The following COX5A variants were observed in gnomAD, a reference collection of about 807,000 sequenced individuals.
The protein encoded by COX5A is cytochrome c oxidase subunit 5A, also known as cytochrome c oxidase subunit 5A, mitochondrial.
A neutral mutation model predicts 16.1 loss-of-function variants in COX5A; 6 were observed. The ratio of observed to expected loss-of-function variants is 0.37; its 90% CI spans 0.20 to 0.73. The LOEUF (loss-of-function observed/expected upper bound fraction) is 0.73, where lower values mean the gene tolerates loss of function less well. COX5A is among the 30% of genes least tolerant of loss of function. COX5A has a pLI of 0.50. For synonymous variants in COX5A, 73 were observed against 73.8 expected (o/e 0.99, Z 0.06); for missense variants, 159 against 194.9 (o/e 0.82, Z 1.10).
chr15:74,929,947 C>T (rs930342534), intron 1 of COX5A, among the ~76,000 whole-genome samples: 2 of 151,520 alleles, frequency 1.3e-5, no homozygotes, highest in East Asian at 1.9e-4. Flanking sequence ...GGTGTGGTGG[C>T]GGGCGGCTGT....
intron 1 of COX5A, among the ~76,000 whole-genome samples, chr15:74,932,469 T>A (rs11072516): frequency 0.27 from 40,516 of 151,674 alleles, 7,447 homozygotes; most frequent in Non-Finnish European, 0.42. Flanking sequence ...ATATATATAT[T>A]TTTAAAAACT....
At chr15:74,927,032 C>T in intron 2 of COX5A, 145 bp from the exon 3 acceptor site, 1 of 790,068 alleles carries the variant, frequency 1.3e-6, no homozygotes, top group Non-Finnish European at 1.9e-6. Context: ...AGAAACCTAC[C>T]TTTAACAAAT....
intron 4 of COX5A, among the ~76,000 whole-genome samples, chr15:74,921,876 G>GT (rs1189928585): frequency 6.6e-6 from 1 of 152,138 alleles, no homozygotes; most frequent in Non-Finnish European, 1.5e-5. Context: ...GGTTGTGCTG[G>GT]TGAGGGGGTG....
chr15:74,924,210 G>A (rs2065333555), intron 3 of COX5A, among the ~76,000 whole-genome samples: 1 of 151,484 alleles, frequency 6.6e-6, no homozygotes, highest in African/African-American at 2.4e-5. Flanking sequence ...AACAAAACAG[G>A]TCATCTACTT....
chr15:74,928,290 C>T (rs2065352322), intron 2 of COX5A, among the ~76,000 whole-genome samples: 1 of 152,132 alleles, frequency 6.6e-6, no homozygotes, highest in African/African-American at 2.4e-5. Context: ...TTCTAACTTA[C>T]TTAGATACTT....
chr15:74,926,993 G>T (rs896303274), intron 2 of COX5A, 106 bp from the exon 3 acceptor site: 2 of 1,246,520 alleles, frequency 1.6e-6, no homozygotes, highest in Non-Finnish European at 1.1e-6. Flanking sequence ...TATCTGTCTG[G>T]GTCTCCATTC....
rs117140363 is a variant in COX5A at position 74,933,824 on chromosome 15, T to A, written c.100+4091A>T. ...AGTGCTTCATGATAAGCAATTCGTTTTGTTCACTGCTGGGCATGGATTTGA... is the reference window on the plus strand; with the variant it reads ...AGTGCTTCATGATAAGCAATTCGTTATGTTCACTGCTGGGCATGGATTTGA... On this transcript the variant is annotated intron_variant, in intron 1 of 4. Coordinates refer to ENST00000322347, the MANE Select transcript of COX5A (RefSeq NM_004255.4). Among the ~76,000 whole-genome samples the A allele has an allele frequency of 2.8e-4, 43 of 152,298 alleles. No individual in the cohort carries two copies. The East Asian group carries it at 6.9e-3, about 25-fold the overall frequency.
rs78448552 is a variant in COX5A, at chr15:74,928,743, T to C, written c.217+373A>G. Among the ~76,000 whole-genome samples, 227 of 152,326 alleles carry C rather than the reference T, an allele frequency of 1.5e-3. 1 individual carries two copies. The East Asian group carries it at 0.04, about 27-fold the overall frequency. On this transcript the variant is annotated intron_variant, in intron 2 of 4. Transcript: ENST00000322347. ...CCTTTTGCTCATCTAGCCTTATTGC[T>C]ATAGCAGTGGTTTTCAATTAAGGGT... is the stretch of plus-strand genomic sequence containing the variant.
chr15:74,935,473 C>G (rs1201661276), intron 1 of COX5A, among the ~76,000 whole-genome samples: 1 of 151,386 alleles, frequency 6.6e-6, no homozygotes, highest in East Asian at 1.9e-4. Context: ...GGTGGCGCAC[C>G]CTTGTGGTCC....
At position 74,920,128 on chromosome 15, in the gene COX5A, C is replaced by T. The variant is rs2065313984; in HGVS notation, c.*324G>A. The T allele has an allele frequency of 2.1e-6, 1 of 481,188 alleles. No homozygotes were observed. Among genetic ancestry groups the T allele is most frequent in the African/African-American group, 2.1e-5 (1 of 48,746 alleles). The allele number at this position is 481,188 out of a possible 1,614,324, so 29.8% of individuals were successfully genotyped here. On this transcript the variant is annotated 3_prime_UTR_variant, in exon 5 of 5. Transcript: ENST00000322347. ...TAATTTACAAGCTAGGGCACCCAAA[C>T]ATATTAATGAAGCTGATTTTCATGT...
intron 4 of COX5A, among the ~76,000 whole-genome samples, chr15:74,921,462 G>A (rs2065320519): frequency 6.6e-6 from 1 of 151,226 alleles, no homozygotes; most frequent in Non-Finnish European, 1.5e-5. Context: ...AGACGCGGTG[G>A]CTCACACCTG....
intron 1 of COX5A, among the ~76,000 whole-genome samples, chr15:74,933,423 C>G (rs1428483396): frequency 1.8e-5 from 1 of 55,196 alleles, no homozygotes; most frequent in African/African-American, 1.1e-4. Flanking sequence ...AAAAAAATAT[C>G]TATCTATCTA....
rs186057379 is a variant in COX5A, at chr15:74,920,158, T to C, written c.*294A>G. On this transcript the variant is annotated 3_prime_UTR_variant, in exon 5 of 5. Coordinates refer to ENST00000322347, the MANE Select transcript of COX5A (RefSeq NM_004255.4). ...TAATGAAGCTGATTTTCATGTCAGA[T>C]GGTTTCCAGAGAATTAACACAGTTC... 3.2e-3 allele frequency: 1,596 copies of C among 503,742 alleles called. 11 individuals are homozygous for C. Among genetic ancestry groups the C allele is most frequent in the Non-Finnish European group, 1.8e-3 (513 of 292,388 alleles). The allele number at this position is 503,742 out of a possible 1,614,324, so 31.2% of individuals were successfully genotyped here. A position where few individuals can be genotyped will look rare whatever the true frequency, so the allele number is the denominator to read the frequency against.
At chr15:74,931,773 C>CG (rs1287689345) in intron 1 of COX5A, among the ~76,000 whole-genome samples, 2 of 152,004 alleles carry the variant, frequency 1.3e-5, no homozygotes, top group African/African-American at 4.8e-5. Context: ...AGGCTGGTCT[C>CG]GAACTCCTGA....
chr15:74,920,123 C>A lies in COX5A; in HGVS notation c.*329G>T. 1 of 473,458 alleles carries A rather than the reference C, an allele frequency of 2.1e-6. No individual in the cohort carries two copies. Among genetic ancestry groups the A allele is most frequent in the Non-Finnish European group, 3.6e-6 (1 of 274,024 alleles). 29.3% of individuals were successfully genotyped at this position (473,458 alleles called of 1,614,324 possible). A position where few individuals can be genotyped will look rare whatever the true frequency, so the allele number is the denominator to read the frequency against. Reference sequence around the variant, plus strand: ...TCAGCTAATTTACAAGCTAGGGCACCCAAACATATTAATGAAGCTGATTTT... The same window carrying A: ...TCAGCTAATTTACAAGCTAGGGCACACAAACATATTAATGAAGCTGATTTT... On this transcript the variant is annotated 3_prime_UTR_variant, in exon 5 of 5. Transcript: ENST00000322347.
rs2065346900 is a variant in COX5A, at chr15:74,926,880, G to A, written c.225C>T (p.Asn75=). 6.2e-7 allele frequency: 1 copy of A among 1,609,498 alleles called. No homozygotes were observed. Among genetic ancestry groups the A allele is most frequent in the Non-Finnish European group, 8.5e-7 (1 of 1,178,668 alleles). ...IDAWELRKGI[N]TLVTYDMVPE... ...GAACCATATCATAGGTAACAAGTGTGTTTATCCCTGCAAAATTAAAAAGAA... is the reference window on the plus strand; with the variant it reads ...GAACCATATCATAGGTAACAAGTGTATTTATCCCTGCAAAATTAAAAAGAA... Residue 75 remains asparagine, a synonymous_variant, in exon 3 of 5, where the codon AAC becomes AAT. Transcript: ENST00000322347.
At chr15:74,923,899 G>T (rs2065332319) in intron 3 of COX5A, 129 bp from the exon 4 acceptor site, 1 of 626,864 alleles carries the variant, frequency 1.6e-6, no homozygotes, top group East Asian at 2.9e-5. Flanking sequence ...CAGGTGATCA[G>T]CTGGGCATGG....
intron 4 of COX5A, among the ~76,000 whole-genome samples, chr15:74,921,122 A>G (rs1017321257): frequency 3.9e-5 from 6 of 152,202 alleles, no homozygotes; most frequent in African/African-American, 1.4e-4. Context: ...AATATGAACC[A>G]CAGGGCTGGG....
chr15:74,927,684 A>C (rs1170124827), intron 2 of COX5A, among the ~76,000 whole-genome samples: 1 of 152,026 alleles, frequency 6.6e-6, no homozygotes, highest in East Asian at 1.9e-4. Flanking sequence ...AGGCAGGAGA[A>C]TCACTTGAAC....
Sources: gnomAD v4.1 joint callset for allele counts (sites outside exome capture counted in the v4.1 genomes callset) on GRCh38, gnomAD v4.1.1 for gene constraint, MANE v1.5 for transcripts, NCBI Gene and HGNC (gene_info 2026-07-23, HGNC 2026-07-21) for gene names.